Variants in LCOR observed in about 807,000 individuals in gnomAD.
LCOR encodes the protein ligand-dependent corepressor.
A neutral mutation model predicts 64.4 loss-of-function variants in LCOR; 14 were observed. That is an observed-to-expected ratio of 0.22 (90% CI 0.14 to 0.34). The LOEUF (loss-of-function observed/expected upper bound fraction) is 0.34, where lower values mean the gene tolerates loss of function less well. Ranked by LOEUF, LCOR falls within the 10% of genes least tolerant of loss-of-function variation. LCOR has a pLI of 1.00. For missense variants in LCOR, 1,686 were observed against 1,765.3 expected (o/e 0.96, Z 0.80); for synonymous variants, 643 against 642.5 (o/e 1.00, Z -0.01).
chr10:96,964,656 T>C (rs1847930286), intron 7 of LCOR, among the ~76,000 whole-genome samples: 1 of 152,190 alleles, frequency 6.6e-6, no homozygotes, highest in South Asian at 2.1e-4. Flanking sequence ...AAACTCAGTG[T>C]CTTTACTAAT....
intron 7 of LCOR, chr10:96,960,771 A>G (rs1398683392): frequency 1.3e-5 from 2 of 152,172 alleles, no homozygotes; most frequent in South Asian, 2.1e-4. Context: ...TTTCAAATTA[A>G]TTGCTTTCAA....
At chr10:96,879,453 CAG>C (rs973382062) in intron 2 of LCOR, among the ~76,000 whole-genome samples, 3 of 152,174 alleles carry the variant, frequency 2.0e-5, no homozygotes, top group Non-Finnish European at 2.9e-5. Context: ...CATCTCCACA[CAG>C]AGTTTGTGGC....
intron 7 of LCOR, among the ~76,000 whole-genome samples, chr10:96,965,673 A>G (rs1429646647): frequency 3.3e-5 from 5 of 151,334 alleles, no homozygotes; most frequent in African/African-American, 9.7e-5. Flanking sequence ...AAAAAAAAAA[A>G]AAAAAAAAAA....
At chr10:96,873,584 G>GACA (rs1564611276) in intron 2 of LCOR, among the ~76,000 whole-genome samples, 32 of 141,488 alleles carry the variant, frequency 2.3e-4, no homozygotes, top group African/African-American at 9.1e-4. Context: ...GTGTGTGTGT[G>GACA]TGTGTGTGTG....
At chr10:96,955,494 T>G in intron 7 of LCOR, 2 of 1,614,012 alleles carry the variant, frequency 1.2e-6, no homozygotes, top group Non-Finnish European at 1.7e-6. Flanking sequence ...TAGTAAAAAA[T>G]TAAGGGCTAT....
At chr10:96,916,092 C>G (rs913821050) in intron 4 of LCOR, among the ~76,000 whole-genome samples, 1 of 152,048 alleles carries the variant, frequency 6.6e-6, no homozygotes, top group African/African-American at 2.4e-5. Flanking sequence ...AGTGCAGTGG[C>G]GCAATCTGGG....
At position 96,958,319 on chromosome 10, in the gene LCOR, G is replaced by A. The variant is rs1319222408; in HGVS notation, c.332+6123G>A. 15 of 1,525,658 alleles carry A rather than the reference G, an allele frequency of 9.8e-6. No individual in the cohort carries two copies. In the South Asian group the frequency reaches 1.2e-4, roughly 12 times the overall value. The allele number at this position is 1,525,658 out of a possible 1,614,324, so 94.5% of individuals were successfully genotyped here. The stretch of plus-strand genomic sequence containing the variant: ...TAATCCTATGTGGTAGTCTATATAA[G>A]TGATGTATGAGTTGAGTTATGTAAA... On this transcript the variant is annotated intron_variant, in intron 7 of 7. Coordinates refer to ENST00000421806, the MANE Select transcript of LCOR (RefSeq NM_001346516.2).
chr10:96,861,922 C>A (rs578222257), intron 2 of LCOR, among the ~76,000 whole-genome samples: 1 of 152,132 alleles, frequency 6.6e-6, no homozygotes, highest in Non-Finnish European at 1.5e-5. Flanking sequence ...TAAGACTGAC[C>A]CTCCTCCTTC....
rs1003297530 is a variant in LCOR, at chr10:96,966,519, C to T, written c.333-14274C>T. Among the ~76,000 whole-genome samples the T allele has an allele frequency of 6.6e-5, 10 of 152,214 alleles. No individual in the cohort carries two copies. The East Asian group carries it at 1.5e-3, about 24-fold the overall frequency. ...CTAGGATTACAGGCGTGAGCCACCG[C>T]GCCCGGCCAGGACTCTTAACAAACA... On this transcript the variant is annotated intron_variant, in intron 7 of 7. Coordinates refer to ENST00000421806, the MANE Select transcript of LCOR (RefSeq NM_001346516.2).
In LCOR at chr10:96,991,491, T is replaced by C. The variant is rs1848200492; in HGVS notation, c.*6357T>C. ...CAGCACAAACAAATTACTCATGAAC[T>C]TAAAGCCAAGAATAGTGCCTCTCCC... is the stretch of plus-strand genomic sequence containing the variant. On this transcript the variant is annotated 3_prime_UTR_variant, in exon 8 of 8. Transcript: ENST00000421806. 1.3e-5 allele frequency: 2 copies of C among 152,224 alleles called. No homozygotes were observed. The highest frequency in any genetic ancestry group is 1.3e-4 in the Admixed American group (2 of 15,286). The allele number at this position is 152,224 out of a possible 1,614,324, so 9.4% of individuals were successfully genotyped here.
intron 2 of LCOR, among the ~76,000 whole-genome samples, chr10:96,844,290 A>C (rs975791211): frequency 6.6e-6 from 1 of 151,520 alleles, no homozygotes; most frequent in Non-Finnish European, 1.5e-5. Flanking sequence ...AGCTGGGACT[A>C]TGGGTATACT....
Position 96,984,783 on chromosome 10 carries a change from C to T in LCOR, c.4323C>T (p.Asp1441=). The change falls in exon 8 of 8, where the codon GAC becomes GAT. Residue 1441 remains aspartate (D), a synonymous_variant. Coordinates refer to ENST00000421806, the MANE Select transcript of LCOR (RefSeq NM_001346516.2). ...CTGCCAAGAGGCCAGCTGCAAGGGA[C>T]AGAAGCAGCCAACCCCCCAAAAAGA... The part of the protein sequence containing the change: ...TPAAKRPAAR[D]RSSQPPKKTS... 6.2e-7 allele frequency: 1 copy of T among 1,614,050 alleles called. No individual in the cohort carries two copies.
chr10:96,977,146 G>A (rs909236795), intron 7 of LCOR, among the ~76,000 whole-genome samples: 1 of 152,174 alleles, frequency 6.6e-6, no homozygotes, highest in Admixed American at 6.5e-5. Flanking sequence ...AGAAGTTGTG[G>A]TTAGAAAATT....
chr10:96,949,308 G>A lies in LCOR; in HGVS notation c.238+13G>A. 3 of 1,612,738 alleles carry A rather than the reference G, an allele frequency of 1.9e-6. No individual in the cohort carries two copies. Among genetic ancestry groups the A allele is most frequent in the Non-Finnish European group, 2.5e-6 (3 of 1,178,906 alleles). ...CCTAGCGAACAAGGTATGGTTTGAT[G>A]TCAAGGTCTCCTCTATCTTATCAGA... is the stretch of plus-strand genomic sequence containing the variant. On this transcript the variant is annotated intron_variant, in intron 6 of 7. Transcript: ENST00000421806.
chr10:96,934,467 A>G (rs1161365354), intron 4 of LCOR, among the ~76,000 whole-genome samples: 2 of 152,194 alleles, frequency 1.3e-5, no homozygotes, highest in African/African-American at 4.8e-5. Context: ...ATATGCTCCT[A>G]AGAAGCTCAC....
chr10:96,874,550 GGT>G (rs1376588552), intron 2 of LCOR, among the ~76,000 whole-genome samples: 1 of 151,908 alleles, frequency 6.6e-6, no homozygotes, highest in Non-Finnish European at 1.5e-5. Context: ...ATAAACTCCT[GGT>G]AATTCTGCAA....
rs1483187238 is a variant in LCOR at position 96,981,054 on chromosome 10, G to A, written c.594G>A (p.Lys198=). 2 of 703,024 alleles carry A rather than the reference G, an allele frequency of 2.8e-6. No individual in the cohort carries two copies. The highest frequency in any genetic ancestry group is 2.0e-5 in the Admixed American group (1 of 50,020). 43.5% of individuals were successfully genotyped at this position (703,024 alleles called of 1,614,324 possible). A position where few individuals can be genotyped will look rare whatever the true frequency, so the allele number is the denominator to read the frequency against. ...AAGATGCTCTGTGTCTCGATATGAAGTCTTCTGCTTCTGTAGATTTGTTCG... is the reference window on the plus strand; with the variant it reads ...AAGATGCTCTGTGTCTCGATATGAAATCTTCTGCTTCTGTAGATTTGTTCG... ...KEKDALCLDM[K]SSASVDLFVD... Residue 198 remains lysine (K), a synonymous_variant, in exon 8 of 8, where the codon AAG becomes AAA. Transcript: ENST00000421806.
intron 6 of LCOR, among the ~76,000 whole-genome samples, chr10:96,950,170 T>A (rs971617954): frequency 6.6e-6 from 1 of 152,212 alleles, no homozygotes; most frequent in African/African-American, 2.4e-5. Flanking sequence ...CGAGATTTAT[T>A]GTAACCTTTA....
intron 2 of LCOR, among the ~76,000 whole-genome samples, chr10:96,859,844 C>G (rs143787546): frequency 2.0e-5 from 3 of 152,088 alleles, no homozygotes; most frequent in African/African-American, 7.2e-5. Flanking sequence ...GCATGAGCTG[C>G]GGCACCTGGC....
Sources: gnomAD v4.1 joint callset for allele counts (sites outside exome capture counted in the v4.1 genomes callset) on GRCh38, gnomAD v4.1.1 for gene constraint, MANE v1.5 for transcripts, NCBI Gene and HGNC (gene_info 2026-07-23, HGNC 2026-07-21) for gene names.